HS6ST2: variants seen among roughly 807,000 people sequenced by gnomAD.
The protein encoded by HS6ST2 is heparan-sulfate 6-O-sulfotransferase 2.
Under a neutral mutation model 33.0 loss-of-function variants are expected in HS6ST2, and 17 were observed. The observed-to-expected ratio is 0.52, with a 90% confidence interval of 0.35 to 0.77. The LOEUF is 0.77. HS6ST2 is among the 30% of genes least tolerant of loss of function. The pLI is 0.01. For missense variants in HS6ST2, 519 were observed against 551.7 expected, an observed-to-expected ratio of 0.94 and a Z score of 0.59; for synonymous variants, 248 against 237.1, an observed-to-expected ratio of 1.05 and a Z score of -0.42.
intron 2 of HS6ST2, among the ~76,000 whole-genome samples, chrX:132,884,094 G>A (rs890130002): frequency 9.0e-6 from 1 of 111,258 alleles, no homozygotes; most frequent in Non-Finnish European, 1.9e-5. Context: ...TGACTTCCGA[G>A]TGAATGGGAA....
chrX:132,696,283 A>G (rs928524411), intron 3 of HS6ST2, among the ~76,000 whole-genome samples: 9 of 111,624 alleles, frequency 8.1e-5, no homozygotes, highest in African/African-American at 2.9e-4. Context: ...CTGCCCGTGT[A>G]TATCTTTACC....
intron 2 of HS6ST2, among the ~76,000 whole-genome samples, chrX:132,870,271 CACAA>C (rs1358093087): frequency 1.8e-5 from 2 of 111,218 alleles, no homozygotes; most frequent in Non-Finnish European, 3.8e-5. Context: ...TAAGAGAGGA[CACAA>C]ACAAATGGAA....
At chrX:132,774,266 C>T (rs1356332675) in intron 2 of HS6ST2, among the ~76,000 whole-genome samples, 1 of 112,488 alleles carries the variant, frequency 8.9e-6, no homozygotes, top group Non-Finnish European at 1.9e-5. Flanking sequence ...TTTGGAGGAA[C>T]TCCCAGAAGA....
intron 2 of HS6ST2, among the ~76,000 whole-genome samples, chrX:132,719,407 A>G (rs760824577): frequency 2.7e-5 from 3 of 112,022 alleles, no homozygotes; most frequent in African/African-American, 9.7e-5. Flanking sequence ...AGGAGGAAAA[A>G]GGTGAGTTGA....
chrX:132,958,423 G>A lies in HS6ST2; in HGVS notation c.180C>T (p.His60=), dbSNP rs2067114690. The A allele has an allele frequency of 2.5e-6, 3 of 1,197,827 alleles. No individual in the cohort carries two copies. Among genetic ancestry groups the A allele is most frequent in the South Asian group, 1.8e-5 (1 of 55,797 alleles). Residue 60 remains histidine (H), a synonymous_variant, in exon 1 of 5, where the codon CAC becomes CAT. Transcript: ENST00000370833. ...CCAGGAGCGGCCGGGTGTGGAATCC[G>A]TGAGACACACCCCTAGGAGGGCCCG... ...VRAGPPRGVS[H]GFHTRPLLDK...
chrX:132,669,709 G>A (rs1390725438), intron 3 of HS6ST2: 1 of 105,723 alleles, frequency 9.5e-6, no homozygotes, highest in East Asian at 3.0e-4. Flanking sequence ...TGGGAAGTCC[G>A]TGAATTCAGA....
At chrX:132,896,865 C>G (rs1173406381) in intron 2 of HS6ST2, among the ~76,000 whole-genome samples, 4 of 111,917 alleles carry the variant, frequency 3.6e-5, no homozygotes, top group South Asian at 3.7e-4. Context: ...TATAGGGGTG[C>G]TATGTCATAA....
chrX:132,933,531 A>G (rs538704341), intron 2 of HS6ST2, among the ~76,000 whole-genome samples: 1 of 111,283 alleles, frequency 9.0e-6, no homozygotes, highest in African/African-American at 3.3e-5. Context: ...AGTACCAGAA[A>G]GAGAAAGAAA....
chrX:132,933,878 C>T (rs187923855), intron 2 of HS6ST2, among the ~76,000 whole-genome samples: 2 of 110,566 alleles, frequency 1.8e-5, no homozygotes, highest in African/African-American at 3.3e-5. Context: ...TTTTCAAAAC[C>T]GAAAGCAATA....
chrX:132,686,572 G>A (rs2064017483), intron 3 of HS6ST2, among the ~76,000 whole-genome samples: 1 of 111,665 alleles, frequency 9.0e-6, no homozygotes, highest in African/African-American at 3.3e-5. Flanking sequence ...CCAGATTGTT[G>A]AGAAGAGTGC....
Position 132,875,207 on chromosome X carries a change from A to T in HS6ST2, c.947+81601T>A, listed in dbSNP as rs532890680. Among the ~76,000 whole-genome samples the T allele has an allele frequency of 1.4e-4, 16 of 112,164 alleles. No individual in the cohort carries two copies. The Admixed American group carries it at 1.5e-3, about 11-fold the overall frequency. ...TTCCAGCAGGTGGCATGTATTGCCA[A>T]CTTGATTGTCACAGCAGGCACCCAA... On this transcript the variant is annotated intron_variant, in intron 2 of 4. Coordinates refer to ENST00000370833, the MANE Select transcript of HS6ST2 (RefSeq NM_001394073.1).
upstream of HS6ST2, among the ~76,000 whole-genome samples, chrX:132,959,241 A>C (rs2067125317): frequency 8.9e-6 from 1 of 111,942 alleles, no homozygotes; most frequent in African/African-American, 3.2e-5. Flanking sequence ...GATCTTCCTC[A>C]AGCTCCAGTG....
intron 2 of HS6ST2, among the ~76,000 whole-genome samples, chrX:132,881,545 T>C (rs2066173697): frequency 9.0e-6 from 1 of 111,727 alleles, no homozygotes; most frequent in Non-Finnish European, 1.9e-5. Context: ...GATGGGTAGA[T>C]TGCAAAAATT....
At chrX:132,796,320 G>A (rs779251781) in intron 2 of HS6ST2, among the ~76,000 whole-genome samples, 9 of 111,587 alleles carry the variant, frequency 8.1e-5, no homozygotes, top group African/African-American at 2.6e-4. Context: ...CCAACCTACC[G>A]AATTCCTACT....
intron 2 of HS6ST2, among the ~76,000 whole-genome samples, chrX:132,908,504 C>T (rs1285948241): frequency 8.9e-6 from 1 of 112,480 alleles, no homozygotes; most frequent in Non-Finnish European, 1.9e-5. Flanking sequence ...TCTGAATGTC[C>T]ATCAACCAAT....
chrX:132,633,077 CAAAA>C (rs140506922), intron 4 of HS6ST2, among the ~76,000 whole-genome samples: 659 of 64,790 alleles, frequency 0.01, 5 homozygotes, highest in South Asian at 0.072. Flanking sequence ...GACTCCATCT[CAAAA>C]AAAAAAAAAA....
intron 2 of HS6ST2, among the ~76,000 whole-genome samples, chrX:132,840,423 CCCT>C (rs1456512238): frequency 9.1e-6 from 1 of 109,394 alleles, no homozygotes; most frequent in Admixed American, 9.8e-5. Flanking sequence ...CTTTGTCACT[CCCT>C]CCTCCTCCTC....
At chrX:132,813,514 A>C (rs2065368548) in intron 2 of HS6ST2, among the ~76,000 whole-genome samples, 1 of 111,954 alleles carries the variant, frequency 8.9e-6, no homozygotes, top group South Asian at 3.8e-4. Context: ...GACTCAGAGA[A>C]AGTTAGATTA....
chrX:132,755,615 G>A (rs2064751228), intron 2 of HS6ST2, among the ~76,000 whole-genome samples: 1 of 110,815 alleles, frequency 9.0e-6, no homozygotes, highest in Non-Finnish European at 1.9e-5. Flanking sequence ...GAGAGGCAGG[G>A]GTGTGCAAGG....
Sources: gnomAD v4.1 joint callset for allele counts (sites outside exome capture counted in the v4.1 genomes callset) on GRCh38, gnomAD v4.1.1 for gene constraint, MANE v1.5 for transcripts, NCBI Gene and HGNC (gene_info 2026-07-23, HGNC 2026-07-21) for gene names.